The following RHOQ variants were observed in gnomAD, a reference collection of about 807,000 sequenced individuals.
RHOQ encodes the protein rho-related GTP-binding protein RhoQ.
A neutral mutation model predicts 25.8 loss-of-function variants in RHOQ; 7 were observed. The observed-to-expected ratio is 0.27, with a 90% CI of 0.15 to 0.51. RHOQ has a LOEUF of 0.51. Among genes scored for constraint, RHOQ ranks in the 20% least tolerant of loss-of-function variants. The probability of loss-of-function intolerance (pLI) is 0.97; values close to 1 mark genes in which losing one functional copy is unlikely to be tolerated. For synonymous variants in RHOQ, 97 were observed against 98.6 expected (o/e 0.98, Z 0.10); for missense variants, 165 against 260.6 (o/e 0.63, Z 2.53).
In RHOQ at chr2:46,576,330, CA is replaced by C; in HGVS notation, c.366+82del. 2.5e-6 allele frequency: 3 copies of C among 1,195,428 alleles called. No individual in the cohort carries two copies. The highest frequency in any genetic ancestry group is 1.5e-5 in the African/African-American group (1 of 65,068). The allele number at this position is 1,195,428 out of a possible 1,614,324, so 74.1% of individuals were successfully genotyped here. A position where few individuals can be genotyped will look rare whatever the true frequency, so the allele number is the denominator to read the frequency against. ...GAGGCTGCTCTCAGACAAACAGTCC[CA>C]AAGCTGAGCAAATGATGTAAGTGTT... On this transcript the variant is annotated intron_variant, in intron 3 of 4. Coordinates refer to ENST00000238738, the MANE Select transcript of RHOQ (RefSeq NM_012249.4). This position sits in a 1 kb window ranked among gnomAD's most constrained non-coding sequence, Gnocchi z 5.1.
chr2:46,551,029 G>C (rs1572737120), intron 2 of RHOQ, among the ~76,000 whole-genome samples: 1 of 152,194 alleles, frequency 6.6e-6, no homozygotes, highest in African/African-American at 2.4e-5. Flanking sequence ...GGGGCCAGTA[G>C]AGTACTGGTT....
Position 46,569,723 on chromosome 2 carries a change from A to C in RHOQ, c.202-6364A>C, listed in dbSNP as rs1335158254. On this transcript the variant is annotated intron_variant, in intron 2 of 4. Coordinates refer to ENST00000238738, the MANE Select transcript of RHOQ (RefSeq NM_012249.4). This position sits in a 1 kb window ranked among gnomAD's most constrained non-coding sequence, Gnocchi z 4.1. ...AACATATGAAGATGACAGTAGCTAA[A>C]AGTAAGAAGCTAAACCTTTAATTTC... 6.6e-6 allele frequency among the ~76,000 whole-genome samples: 1 copy of C among 152,222 alleles called. No individual in the cohort carries two copies. Among genetic ancestry groups the C allele is most frequent in the Non-Finnish European group, 1.5e-5 (1 of 68,032 alleles).
intron 4 of RHOQ, among the ~76,000 whole-genome samples, chr2:46,577,948 T>A (rs1017625765): frequency 3.9e-5 from 6 of 152,042 alleles, no homozygotes; most frequent in Non-Finnish European, 7.4e-5. Context: ...TAATACCACA[T>A]CAAATGCCAG....
At chr2:46,553,326 T>G (rs1011758026) in intron 2 of RHOQ, among the ~76,000 whole-genome samples, 1 of 152,144 alleles carries the variant, frequency 6.6e-6, no homozygotes, top group Non-Finnish European at 1.5e-5. Context: ...TTTTTTTTAT[T>G]TTTTCAATTT....
intron 1 of RHOQ, 152 bp downstream of exon 1, chr2:46,543,340 C>A: frequency 2.5e-6 from 2 of 792,084 alleles, no homozygotes; most frequent in Non-Finnish European, 4.1e-6. Flanking sequence ...ACCCCCGAAG[C>A]TTCGCTCCTG....
rs1042898976 is a variant in RHOQ at position 46,584,231 on chromosome 2, C to T, written c.*3148C>T. 4.6e-5 allele frequency among the ~76,000 whole-genome samples: 7 copies of T among 152,222 alleles called. No individual in the cohort carries two copies. Among genetic ancestry groups the T allele is most frequent in the African/African-American group, 9.6e-5 (4 of 41,550 alleles). ...AATACTATGCATAGTTTACTATCTA[C>T]GTAAAGCACTGAACTTTTTACCTTA... On this transcript the variant is annotated 3_prime_UTR_variant, in exon 5 of 5. Coordinates refer to ENST00000238738, the MANE Select transcript of RHOQ (RefSeq NM_012249.4).
intron 2 of RHOQ, among the ~76,000 whole-genome samples, chr2:46,544,947 T>C (rs1286704253): frequency 6.6e-6 from 1 of 152,220 alleles, no homozygotes; most frequent in Non-Finnish European, 1.5e-5. Context: ...CTTTGAAGCT[T>C]GTCTAGATTT....
chr2:46,549,739 T>A (rs1230700093), intron 2 of RHOQ, among the ~76,000 whole-genome samples: 2 of 152,340 alleles, frequency 1.3e-5, no homozygotes, highest in South Asian at 4.1e-4. Flanking sequence ...CTGCTTTGCA[T>A]GTACGGAGGC....
In RHOQ at chr2:46,551,459, A is replaced by G. The variant is rs138994054; in HGVS notation, c.201+7647A>G. 1.3e-3 allele frequency among the ~76,000 whole-genome samples: 199 copies of G among 152,332 alleles called. 2 individuals carry two copies. Among genetic ancestry groups the G allele is most frequent in the African/African-American group, 4.5e-3 (188 of 41,570 alleles). On this transcript the variant is annotated intron_variant, in intron 2 of 4. Transcript: ENST00000238738. Reference sequence around the variant, plus strand: ...ATATTCTGAGTGGGAAGAATAGTGTAGGGAGGAACGGCAGAGGGGGTGACC... The same window carrying G: ...ATATTCTGAGTGGGAAGAATAGTGTGGGGAGGAACGGCAGAGGGGGTGACC...
At chr2:46,570,724 G>T (rs765951786) in intron 2 of RHOQ, among the ~76,000 whole-genome samples, 1 of 152,162 alleles carries the variant, frequency 6.6e-6, no homozygotes, top group African/African-American at 2.4e-5. Context: ...CTACTGCACA[G>T]ACCACAAAGC....
chr2:46,546,512 G>GTA lies in RHOQ; in HGVS notation c.201+2705_201+2706dup, dbSNP rs1277018572. On this transcript the variant is annotated intron_variant, in intron 2 of 4. Transcript: ENST00000238738. ...TATATATATATATATATATATATATGTATATACATATATATATATACACAA... is the reference window on the plus strand; with the variant it reads ...TATATATATATATATATATATATATGTATATATACATATATATATATACACAA... 8.3e-3 allele frequency among the ~76,000 whole-genome samples: 156 copies of GTA among 18,704 alleles called. 1 individual carries two copies. The highest frequency in any genetic ancestry group is 0.058 in the South Asian group (27 of 466). The allele number at this position is 18,704 out of a possible 152,430, so 12.3% of individuals were successfully genotyped here. A position where few individuals can be genotyped will look rare whatever the true frequency, so the allele number is the denominator to read the frequency against.
At chr2:46,558,880 A>G (rs1396106182) in intron 2 of RHOQ, among the ~76,000 whole-genome samples, 1 of 152,006 alleles carries the variant, frequency 6.6e-6, no homozygotes, top group Non-Finnish European at 1.5e-5. Context: ...TTGAAATGTG[A>G]TTCTATTTTT....
intron 2 of RHOQ, among the ~76,000 whole-genome samples, chr2:46,558,655 T>C (rs1370884968): frequency 1.3e-5 from 2 of 152,196 alleles, no homozygotes; most frequent in Non-Finnish European, 2.9e-5. Flanking sequence ...TGGAAACTCA[T>C]ATCTTCCAGT....
At chr2:46,546,010 G>A (rs371538657) in intron 2 of RHOQ, among the ~76,000 whole-genome samples, 2 of 152,180 alleles carry the variant, frequency 1.3e-5, no homozygotes, top group African/African-American at 4.8e-5. Context: ...GCCTAGATGT[G>A]TGTTAGGCCC....
chr2:46,558,538 G>A (rs1668472567), intron 2 of RHOQ, among the ~76,000 whole-genome samples: 1 of 152,086 alleles, frequency 6.6e-6, no homozygotes, highest in African/African-American at 2.4e-5. Context: ...CTGATCCATT[G>A]TCAGGAACCC....
At chr2:46,547,648 C>T (rs557171207) in intron 2 of RHOQ, among the ~76,000 whole-genome samples, 1 of 152,218 alleles carries the variant, frequency 6.6e-6, no homozygotes, top group South Asian at 2.1e-4. Flanking sequence ...TTCCTTCTCA[C>T]TAGGGGCCTT....
chr2:46,546,622 T>A (rs1040579591), intron 2 of RHOQ, among the ~76,000 whole-genome samples: 4 of 148,964 alleles, frequency 2.7e-5, no homozygotes, highest in Admixed American at 6.7e-5. Context: ...CCTTAGCTAG[T>A]CATGTGATTC....
At chr2:46,564,457 G>C (rs1668666552) in intron 2 of RHOQ, among the ~76,000 whole-genome samples, 1 of 152,238 alleles carries the variant, frequency 6.6e-6, no homozygotes, top group African/African-American at 2.4e-5. Flanking sequence ...CCTGTTCTGT[G>C]CAAGCATGTC....
At chr2:46,563,598 C>T (rs931202161) in intron 2 of RHOQ, among the ~76,000 whole-genome samples, 4 of 152,100 alleles carry the variant, frequency 2.6e-5, no homozygotes, top group Non-Finnish European at 1.5e-5. Flanking sequence ...AAGCTGTGCT[C>T]AGTGGTGATG....
Sources: gnomAD v4.1 joint callset for allele counts (sites outside exome capture counted in the v4.1 genomes callset) on GRCh38, gnomAD v4.1.1 for gene constraint, Gnocchi (gnomAD v3.1) non-coding constraint, MANE v1.5 for transcripts, NCBI Gene and HGNC (gene_info 2026-07-23, HGNC 2026-07-21) for gene names.